SLC35H1: variants seen among roughly 807,000 people sequenced by gnomAD.
SLC35H1 encodes solute carrier family 35 member H1.
chr20:46,356,518 G>A, the SLC35H1 span: 3 of 1,587,362 alleles, frequency 1.9e-6, no homozygotes, highest in Non-Finnish European at 1.7e-6. Flanking sequence ...ACACCCCGCT[G>A]GACAGACAGA....
chr20:46,362,133 C>G, the SLC35H1 span, among the ~76,000 whole-genome samples: 2 of 152,122 alleles, frequency 1.3e-5, no homozygotes, highest in Non-Finnish European at 2.9e-5. Context: ...CAAATCTCAG[C>G]TAGAAGGGTC....
chr20:46,358,768 T>C, the SLC35H1 span: 1 of 1,519,668 alleles, frequency 6.6e-7, no homozygotes, highest in Non-Finnish European at 8.9e-7. Flanking sequence ...GGTCTGCTGC[T>C]GGGGAAAAAG....
chr20:46,362,770 ATTCT>A, the SLC35H1 span, among the ~76,000 whole-genome samples: 2 of 151,946 alleles, frequency 1.3e-5, no homozygotes, highest in East Asian at 1.9e-4. Flanking sequence ...CTTAGTCTCT[ATTCT>A]TTTTGTTGTT....
the SLC35H1 span, chr20:46,350,379 A>T: frequency 5.6e-6 from 9 of 1,596,300 alleles, no homozygotes; most frequent in Non-Finnish European, 7.7e-6. Flanking sequence ...CTTCTAAGCC[A>T]TTTGCCCTGG....
chr20:46,362,563 G>A, the SLC35H1 span, among the ~76,000 whole-genome samples: 2 of 152,282 alleles, frequency 1.3e-5, no homozygotes, highest in East Asian at 1.9e-4. Context: ...TTCTCCAACT[G>A]TAAAGTGGCA....
At chr20:46,354,838 G>C in the SLC35H1 span, 1 of 1,509,398 alleles carries the variant, frequency 6.6e-7, no homozygotes, top group Non-Finnish European at 9.0e-7. Context: ...AGGATCTGTG[G>C]TCTGCTGCAC....
the SLC35H1 span, chr20:46,350,340 G>A: frequency 3.9e-6 from 6 of 1,545,638 alleles, no homozygotes; most frequent in East Asian, 1.4e-4. Flanking sequence ...AGCACAGTGA[G>A]TGCTGGCAGC....
At chr20:46,350,483 G>T in the SLC35H1 span, 2 of 1,612,994 alleles carry the variant, frequency 1.2e-6, no homozygotes, top group African/African-American at 1.3e-5. Context: ...TCCAGGTCGG[G>T]GCTGGAGCCC....
the SLC35H1 span, among the ~76,000 whole-genome samples, chr20:46,354,644 TC>T: frequency 1.1e-4 from 17 of 152,220 alleles, no homozygotes; most frequent in African/African-American, 4.1e-4. Flanking sequence ...TTTAAAAAGA[TC>T]AGAACAGCCC....
At chr20:46,352,255 G>A in the SLC35H1 span, 1 of 1,610,508 alleles carries the variant, frequency 6.2e-7, no homozygotes, top group Non-Finnish European at 8.5e-7. Context: ...GAGAGTGGGA[G>A]GCCGGGTCCT....
At chr20:46,356,889 G>A in the SLC35H1 span, among the ~76,000 whole-genome samples, 8 of 152,198 alleles carry the variant, frequency 5.3e-5, no homozygotes, top group African/African-American at 1.7e-4. Context: ...CAAACACTCC[G>A]GCGAGCCCCC....
chr20:46,350,347 C>A, the SLC35H1 span: 9 of 1,549,760 alleles, frequency 5.8e-6, no homozygotes, highest in Non-Finnish European at 7.0e-6. Flanking sequence ...TGAGTGCTGG[C>A]AGCAGGCTGG....
the SLC35H1 span, chr20:46,350,909 G>A: frequency 2.6e-5 from 42 of 1,613,144 alleles, no homozygotes; most frequent in Admixed American, 6.8e-4. Context: ...AGAGAAGCAG[G>A]AGGGAGCATG....
the SLC35H1 span, chr20:46,355,246 T>C: frequency 1.2e-6 from 2 of 1,611,572 alleles, no homozygotes; most frequent in South Asian, 1.1e-5. This position sits in a 1 kb window ranked among gnomAD's most constrained non-coding sequence, Gnocchi z 4.8. Flanking sequence ...CGCGCGCTGG[T>C]AGGATGGGGA....
the SLC35H1 span, chr20:46,355,114 C>T: frequency 9.3e-6 from 15 of 1,614,084 alleles, no homozygotes; most frequent in South Asian, 1.1e-5. This position sits in a 1 kb window ranked among gnomAD's most constrained non-coding sequence, Gnocchi z 4.8. Flanking sequence ...GAGGGTCCAG[C>T]GAATGCCACC....
chr20:46,353,669 TG>T, the SLC35H1 span, among the ~76,000 whole-genome samples: 7 of 152,086 alleles, frequency 4.6e-5, no homozygotes, highest in Non-Finnish European at 8.8e-5. Flanking sequence ...TGAAGGCGCT[TG>T]GGGGATTAAT....
chr20:46,356,743 G>T, the SLC35H1 span: 1 of 1,076,260 alleles, frequency 9.3e-7, no homozygotes. Context: ...GAACCATCCC[G>T]GTGCCTCCTG....
chr20:46,358,302 C>T, the SLC35H1 span: 11 of 1,268,058 alleles, frequency 8.7e-6, no homozygotes, highest in Non-Finnish European at 1.0e-5. Flanking sequence ...AAGCTTGTGC[C>T]TTCCTGTTAA....
At chr20:46,361,072 C>T in the SLC35H1 span, among the ~76,000 whole-genome samples, 1 of 152,174 alleles carries the variant, frequency 6.6e-6, no homozygotes, top group Non-Finnish European at 1.5e-5. Context: ...TTCATGTGAA[C>T]TCCAGAAGAA....
Sources: allele counts gnomAD v4.1 joint callset (sites outside exome capture counted in the v4.1 genomes callset), GRCh38; gene constraint gnomAD v4.1.1; non-coding constraint Gnocchi (gnomAD v3.1); transcripts MANE v1.5; gene names NCBI Gene and HGNC (gene_info 2026-07-23, HGNC 2026-07-21).